EYS: variants seen among roughly 807,000 people sequenced by gnomAD.
The protein encoded by EYS is EGF-like photoreceptor maintenance factor.
EYS carries 250 observed loss-of-function variants against 282.1 expected under a neutral mutation model. The observed-to-expected ratio is 0.89, with a 90% CI of 0.80 to 0.98. The LOEUF (loss-of-function observed/expected upper bound fraction) is 0.98, where lower values mean the gene tolerates loss of function less well. Among genes scored for constraint, EYS ranks in the 50% least tolerant of loss-of-function variants. The pLI, the probability that EYS is intolerant of heterozygous loss-of-function variation, is 0.00. For synonymous variants in EYS, 1,355 were observed against 1,282.9 expected (o/e 1.06, Z -1.20); for missense variants, 4,016 against 3,709.0 (o/e 1.08, Z -2.15).
At chr6:63,787,399 T>C (rs573376047) in intron 39 of EYS, 3 of 152,374 alleles carry the variant, frequency 2.0e-5, no homozygotes, top group African/African-American at 4.8e-5. Flanking sequence ...CTTTCAATTT[T>C]TACTGTGACT....
intron 22 of EYS, among the ~76,000 whole-genome samples, chr6:64,748,969 C>T (rs991111069): frequency 3.9e-5 from 6 of 152,120 alleles, no homozygotes; most frequent in Non-Finnish European, 8.8e-5. Flanking sequence ...AACGGGGTTT[C>T]ACCATGTTGG....
intron 39 of EYS, chr6:63,786,100 A>G (rs977540196): frequency 5.3e-5 from 8 of 151,828 alleles, no homozygotes; most frequent in Admixed American, 4.6e-4. Flanking sequence ...TGGCTCAGCT[A>G]CATGAGAGGC....
At chr6:64,031,808 A>C (rs1466346449) in intron 33 of EYS, among the ~76,000 whole-genome samples, 2 of 152,106 alleles carry the variant, frequency 1.3e-5, no homozygotes, top group Non-Finnish European at 2.9e-5. Context: ...AGGGATTGTA[A>C]ACGCACCAAT....
At chr6:63,989,551 A>C (rs987863213) in intron 34 of EYS, among the ~76,000 whole-genome samples, 7 of 151,562 alleles carry the variant, frequency 4.6e-5, no homozygotes, top group African/African-American at 1.7e-4. Flanking sequence ...TTCTATGTTA[A>C]TATATATTTT....
chr6:64,310,061 A>AG (rs1372531555), intron 29 of EYS, among the ~76,000 whole-genome samples: 1 of 110,914 alleles, frequency 9.0e-6, no homozygotes, highest in Admixed American at 8.0e-5. Context: ...TATTAAAAGT[A>AG]AAAAAAATAA....
At chr6:65,196,235 A>G (rs1301182901) in intron 12 of EYS, among the ~76,000 whole-genome samples, 3 of 151,976 alleles carry the variant, frequency 2.0e-5, no homozygotes, top group Non-Finnish European at 4.4e-5. Flanking sequence ...AAATGTGACT[A>G]ACTGAACTTC....
intron 35 of EYS, among the ~76,000 whole-genome samples, chr6:63,941,142 A>G (rs370205198): frequency 2.0e-5 from 3 of 152,284 alleles, no homozygotes; most frequent in East Asian, 1.9e-4. Context: ...CGCAATAAAC[A>G]TACGTGCACA....
chr6:65,584,982 C>A (rs1413713134), intron 2 of EYS, among the ~76,000 whole-genome samples: 1 of 151,212 alleles, frequency 6.6e-6, no homozygotes, highest in Non-Finnish European at 1.5e-5. Flanking sequence ...TTTGTTCAAA[C>A]TGTATTTGTA....
intron 29 of EYS, among the ~76,000 whole-genome samples, chr6:64,312,188 G>C (rs74955589): frequency 0.038 from 5,759 of 151,998 alleles, 353 homozygotes; most frequent in African/African-American, 0.13. Context: ...CTCGAGCTTG[G>C]TGGGGGGAGG....
chr6:65,230,980 T>C (rs1766756349), intron 12 of EYS, among the ~76,000 whole-genome samples: 1 of 150,068 alleles, frequency 6.7e-6, no homozygotes. Context: ...GATACAATAA[T>C]CTGTACAACA....
At chr6:64,489,774 T>C (rs1213094085) in intron 26 of EYS, among the ~76,000 whole-genome samples, 1 of 150,708 alleles carries the variant, frequency 6.6e-6, no homozygotes, top group Non-Finnish European at 1.5e-5. Flanking sequence ...CATGAACCAT[T>C]TGTTTCCTCA....
chr6:64,315,049 G>T (rs531698033), intron 29 of EYS, among the ~76,000 whole-genome samples: 125 of 152,000 alleles, frequency 8.2e-4, no homozygotes, highest in African/African-American at 2.9e-3. Flanking sequence ...AAGAAGAAAA[G>T]AGAGAAGAAT....
rs1459195339 is a variant in EYS at position 63,964,572 on chromosome 6, C to T, written c.7055+19811G>A. ...AAACATGCTTTCTTACAGATGGAAT[C>T]CACTAGTCCTTGCCATTAAGGGAAA... On this transcript the variant is annotated intron_variant, in intron 35 of 42. Coordinates refer to ENST00000503581, the MANE Select transcript of EYS (RefSeq NM_001142800.2). Among the ~76,000 whole-genome samples the T allele has an allele frequency of 3.9e-5, 6 of 152,156 alleles. No individual in the cohort carries two copies. The East Asian group carries it at 1.2e-3, about 29-fold the overall frequency.
At chr6:64,577,287 T>C (rs531099276) in intron 26 of EYS, among the ~76,000 whole-genome samples, 1 of 152,128 alleles carries the variant, frequency 6.6e-6, no homozygotes, top group Admixed American at 6.6e-5. Flanking sequence ...ATATATTCAC[T>C]ATTCCAGCAT....
rs374589778 is a variant in EYS at position 65,443,200 on chromosome 6, C to T, written c.863-37833G>A. ...TGCACATCATATACATATGTGCGCA[C>T]ATATATGTATGCATCATATACACAT... On this transcript the variant is annotated intron_variant, in intron 5 of 42. Coordinates refer to ENST00000503581, the MANE Select transcript of EYS (RefSeq NM_001142800.2). Among the ~76,000 whole-genome samples, 25 of 151,686 alleles carry T rather than the reference C, an allele frequency of 1.6e-4. 1 individual carries two copies. In the South Asian group the frequency reaches 5.0e-3, roughly 30 times the overall value.
At chr6:65,663,921 G>A (rs1261665329) in intron 1 of EYS, among the ~76,000 whole-genome samples, 1 of 141,762 alleles carries the variant, frequency 7.1e-6, no homozygotes, top group South Asian at 2.2e-4. Context: ...ATCCAGGCTG[G>A]AGTGTAGTGG....
At chr6:64,261,600 C>G (rs568762457) in intron 30 of EYS, among the ~76,000 whole-genome samples, 1 of 152,094 alleles carries the variant, frequency 6.6e-6, no homozygotes, top group South Asian at 2.1e-4. Flanking sequence ...GTTCTCTTCT[C>G]TGTTAACTTA....
At chr6:64,104,419 C>T (rs1195532904) in intron 31 of EYS, among the ~76,000 whole-genome samples, 1 of 151,968 alleles carries the variant, frequency 6.6e-6, no homozygotes, top group African/African-American at 2.4e-5. Context: ...AGCTAGCAAG[C>T]ACATAACTGT....
intron 31 of EYS, among the ~76,000 whole-genome samples, chr6:64,136,756 T>C (rs900108243): frequency 7.2e-5 from 11 of 152,140 alleles, no homozygotes; most frequent in African/African-American, 2.4e-4. Context: ...TGTAAACAGA[T>C]GTGCCATAAT....
Sources: allele counts gnomAD v4.1 joint callset (sites outside exome capture counted in the v4.1 genomes callset), GRCh38; gene constraint gnomAD v4.1.1; transcripts MANE v1.5; gene names NCBI Gene and HGNC (gene_info 2026-07-23, HGNC 2026-07-21).